Variants in PTPN23 observed in about 807,000 individuals in gnomAD.
PTPN23 encodes the protein protein tyrosine phosphatase non-receptor type 23.
PTPN23 carries 72 observed loss-of-function variants against 156.3 expected under a neutral mutation model. The observed-to-expected ratio is 0.46, with a 90% confidence interval of 0.38 to 0.56. The LOEUF (loss-of-function observed/expected upper bound fraction) is 0.56. Among genes scored for constraint, PTPN23 ranks in the 20% least tolerant of loss-of-function variants. The probability of loss-of-function intolerance (pLI) is 0.00; values close to 1 mark genes in which losing one functional copy is unlikely to be tolerated. For synonymous variants in PTPN23, 957 were observed against 899.6 expected, an observed-to-expected ratio of 1.06 and a Z score of -1.14; for missense variants, 1,974 against 2,171.5, an observed-to-expected ratio of 0.91 and a Z score of 1.81.
Position 47,408,899 on chromosome 3 carries a change from T to A in PTPN23, c.1454T>A (p.Ile485Asn). 6.2e-7 allele frequency: 1 copy of A among 1,614,224 alleles called. No homozygotes were observed. The highest frequency in any genetic ancestry group is 8.5e-7 in the Non-Finnish European group (1 of 1,180,044). The change falls in exon 16 of 25, where the codon ATC becomes AAC. Residue 485 changes from isoleucine (I) to asparagine (N), a missense_variant. Physicochemically the swap from Ile to Asn is moderately radical, Grantham distance 149. Around this residue, in one of 4 missense-constraint regions of PTPN23, gnomAD observed 726 missense variants for 929.5 expected, o/e 0.78. Transcript: ENST00000265562. ...GTGGGCCAGGCAGGGGCCATCTCCA[T>A]CACCTCCAAGGCTGAGCTGGCAGAG... The part of the protein sequence containing the change: ...EAVGQAGAIS[I>N]TSKAELAEVR...
At position 47,409,991 on chromosome 3, in the gene PTPN23, G is replaced by A. The variant is rs753514100; in HGVS notation, c.2193G>A (p.Glu731=). The change falls in exon 20 of 25, where the codon GAG becomes GAA. Residue 731 remains glutamate, a synonymous_variant. Transcript: ENST00000265562. ...TAPKPLLPRR[E]ESEAVEAGDP... The stretch of plus-strand genomic sequence containing the variant: ...CAAAGCCGCTGCTGCCCCGCAGGGA[G>A]GAGAGTGAGGCAGTGGAAGCAGGAG... 1.2e-6 allele frequency: 2 copies of A among 1,600,112 alleles called. No homozygotes were observed. The highest frequency in any genetic ancestry group is 2.2e-5 in the South Asian group (2 of 89,038).
chr3:47,389,840 CAAAA>C (rs34520125), intron 1 of PTPN23, among the ~76,000 whole-genome samples: 5 of 32,346 alleles, frequency 1.5e-4, no homozygotes, highest in Admixed American at 3.6e-4. Context: ...GACTCCGTCT[CAAAA>C]AAAAAAAAAA....
In PTPN23 at chr3:47,405,209, G is replaced by A; in HGVS notation, c.364+128G>A. ...ACTCCAGGATTCCCGCCCCTCCACT[G>A]ACCTCCCCACAGCCCTGCCAGCTCC... On this transcript the variant is annotated intron_variant, in intron 4 of 24. Coordinates refer to ENST00000265562, the MANE Select transcript of PTPN23 (RefSeq NM_015466.4). This position sits in a 1 kb window ranked among gnomAD's most constrained non-coding sequence, Gnocchi z 4.7. The A allele has an allele frequency of 1.2e-6, 1 of 829,570 alleles. No individual in the cohort carries two copies. The highest frequency in any genetic ancestry group is 2.0e-6 in the Non-Finnish European group (1 of 502,392). 51.4% of individuals were successfully genotyped at this position (829,570 alleles called of 1,614,324 possible).
chr3:47,410,796 T>G lies in PTPN23; in HGVS notation c.2998T>G (p.Tyr1000Asp). Residue 1000 changes from tyrosine to aspartate, a missense_variant, in exon 20 of 25, where the codon TAT becomes GAT. Transcript: ENST00000265562. ...CCTACCCCCACAATCCCCCTACCCC[T>G]ATGCCCCTCAGCCTGGGGTCCTGGG... Reference protein sequence around the residue: ...GLLPPQSPYPYAPQPGVLGQP... With the variant: ...GLLPPQSPYPDAPQPGVLGQP... 1 of 913,404 alleles carries G rather than the reference T, an allele frequency of 1.1e-6. No homozygotes were observed. The highest frequency in any genetic ancestry group is 1.4e-6 in the Non-Finnish European group (1 of 712,070). The allele number at this position is 913,404 out of a possible 1,614,324, so 56.6% of individuals were successfully genotyped here. A position where few individuals can be genotyped will look rare whatever the true frequency, so the allele number is the denominator to read the frequency against.
rs767454198 is a variant in PTPN23 at position 47,411,189 on chromosome 3, A to ACTCAGTCTCCTGGGG, written c.3392_3406dup (p.Gly1135_Gly1136insAlaGlnSerProGly). 6.9e-6 allele frequency: 11 copies of ACTCAGTCTCCTGGGG among 1,603,758 alleles called. No individual in the cohort carries two copies. In the South Asian group the frequency reaches 1.2e-4, roughly 18 times the overall value. On this transcript the variant is annotated inframe_insertion, in exon 20 of 25. Coordinates refer to ENST00000265562, the MANE Select transcript of PTPN23 (RefSeq NM_015466.4). This position sits in a 1 kb window ranked among gnomAD's most constrained non-coding sequence, Gnocchi z 6.3. The stretch of plus-strand genomic sequence containing the variant: ...CAGCCCGGAGAGCCAGCATGGCGGC[A>ACTCAGTCTCCTGGGG]CTCAGTCTCCTGGGGGTGGGCAGCC...
Position 47,411,835 on chromosome 3 carries a change from G to C in PTPN23, c.3941G>C (p.Gly1314Ala). 1 of 1,613,080 alleles carries C rather than the reference G, an allele frequency of 6.2e-7. No individual in the cohort carries two copies. The highest frequency in any genetic ancestry group is 8.5e-7 in the Non-Finnish European group (1 of 1,179,924). ...GAGAGGGGCCAGCCCATGGTGCACG[G>C]TGCCCTGAGCCTGGCATTGAGCAGC... The part of the protein sequence containing the change: ...PTERGQPMVH[G>A]ALSLALSSVR... The change falls in exon 21 of 25, where the codon GGT (glycine) becomes GCT (alanine). Residue 1314 changes from glycine to alanine, a missense_variant. Physicochemically the swap from Gly to Ala is moderately conservative, Grantham distance 60 (BLOSUM62 0). Coordinates refer to ENST00000265562, the MANE Select transcript of PTPN23 (RefSeq NM_015466.4). The surrounding 1 kb of genome is among the most constrained non-coding windows in gnomAD (Gnocchi z 6.3).
rs879446639 is a variant in PTPN23, at chr3:47,381,198, C to G, written c.84+18C>G. The G allele has an allele frequency of 6.4e-7, 1 of 1,568,356 alleles. No individual in the cohort carries two copies. The highest frequency in any genetic ancestry group is 8.6e-7 in the Non-Finnish European group (1 of 1,157,068). On this transcript the variant is annotated intron_variant, in intron 1 of 24. Coordinates refer to ENST00000265562, the MANE Select transcript of PTPN23 (RefSeq NM_015466.4). Reference sequence around the variant, plus strand: ...TGAAGAAGGTGAGCTTGCCTTCCATCTTCCCCCCTATCCGCCGCGTATCTC... The same window carrying G: ...TGAAGAAGGTGAGCTTGCCTTCCATGTTCCCCCCTATCCGCCGCGTATCTC...
At chr3:47,383,231 G>T (rs764735864) in intron 1 of PTPN23, among the ~76,000 whole-genome samples, 1 of 152,056 alleles carries the variant, frequency 6.6e-6, no homozygotes, top group Non-Finnish European at 1.5e-5. Context: ...CTTCTGTGCC[G>T]TTGGTCATGG....
rs752087813 is a variant in PTPN23, at chr3:47,407,339, C to T, written c.895C>T (p.Arg299Cys). ...GCCTGACACTGTGCAAGACGCGCTT[C>T]GCTTCACTATGGATGTCATTGGGGG... Reference protein sequence around the residue: ...GQPDTVQDALRFTMDVIGGKY... With the variant: ...GQPDTVQDALCFTMDVIGGKY... Residue 299 changes from arginine (R) to cysteine (C), a missense_variant, in exon 11 of 25, where the codon CGC (arginine) becomes TGC (cysteine). Coordinates refer to ENST00000265562, the MANE Select transcript of PTPN23 (RefSeq NM_015466.4). The surrounding 1 kb of genome is among the most constrained non-coding windows in gnomAD (Gnocchi z 4.0). The T allele has an allele frequency of 2.9e-5, 47 of 1,613,920 alleles. No individual in the cohort carries two copies. The highest frequency in any genetic ancestry group is 9.9e-5 in the South Asian group (9 of 91,084).
chr3:47,404,425 T>TTTA (rs55819817), intron 2 of PTPN23, among the ~76,000 whole-genome samples: 8 of 149,424 alleles, frequency 5.4e-5, no homozygotes, highest in African/African-American at 1.7e-4. Flanking sequence ...TTTTTTTTTT[T>TTTA]AAAAAAGGAA....
rs147698611 is a variant in PTPN23, at chr3:47,396,448, G to T, written c.159+231G>T. On this transcript the variant is annotated intron_variant, in intron 2 of 24. Coordinates refer to ENST00000265562, the MANE Select transcript of PTPN23 (RefSeq NM_015466.4). Reference sequence around the variant, plus strand: ...AAATTAGGCAGGTGTGGTGTCATGTGCCTGTAGTTCCGGCTACTCAGGAGT... The same window carrying T: ...AAATTAGGCAGGTGTGGTGTCATGTTCCTGTAGTTCCGGCTACTCAGGAGT... Among the ~76,000 whole-genome samples, 195 of 152,236 alleles carry T rather than the reference G, an allele frequency of 1.3e-3. 6 individuals are homozygous for T. The East Asian group carries it at 0.031, about 24-fold the overall frequency.
intron 1 of PTPN23, among the ~76,000 whole-genome samples, chr3:47,383,444 C>T (rs1164129200): frequency 2.6e-5 from 4 of 152,188 alleles, no homozygotes; most frequent in Non-Finnish European, 4.4e-5. Context: ...TTCATCCTTT[C>T]CCTGGTGACA....
rs1355676623 is a variant in PTPN23 at position 47,405,001 on chromosome 3, G to A, written c.288-4G>A. On this transcript the variant is annotated splice_polypyrimidine_tract_variant and splice_region_variant and intron_variant, in intron 3 of 24. Transcript: ENST00000265562. This position sits in a 1 kb window ranked among gnomAD's most constrained non-coding sequence, Gnocchi z 4.7. The stretch of plus-strand genomic sequence containing the variant: ...TCGAGATAACTGGGGTGCCATGTCT[G>A]CAGGACAGAGATCTTCTCAGGCAAG... 1 of 1,614,172 alleles carries A rather than the reference G, an allele frequency of 6.2e-7. No individual in the cohort carries two copies.
intron 2 of PTPN23, among the ~76,000 whole-genome samples, chr3:47,400,365 G>A (rs536642132): frequency 6.6e-6 from 1 of 152,332 alleles, no homozygotes; most frequent in Admixed American, 6.5e-5. Context: ...GGGATGCTAT[G>A]GGGGCATCAC....
rs777686795 is a variant in PTPN23, at chr3:47,411,482, C to G, written c.3684C>G (p.Pro1228=). Residue 1228 remains proline (P), a synonymous_variant, in exon 20 of 25, where the codon CCC becomes CCG. Transcript: ENST00000265562. This position sits in a 1 kb window ranked among gnomAD's most constrained non-coding sequence, Gnocchi z 6.3. ...AGAACCGGCACCAGGATGTCATGCC[C>G]TATGACAGTAACCGTGTGGTGCTGC... ...SLKNRHQDVM[P]YDSNRVVLRS... The G allele has an allele frequency of 6.2e-7, 1 of 1,613,200 alleles. No homozygotes were observed. Among genetic ancestry groups the G allele is most frequent in the Non-Finnish European group, 8.5e-7 (1 of 1,180,024 alleles).
Position 47,413,176 on chromosome 3 carries a change from C to G in PTPN23, c.4902C>G (p.Asn1634Lys). ...TTCTGGATCCACTCTGGACACTCAA[C>G]AAGACCTGAACAGGTTTTGCCTACC... is the stretch of plus-strand genomic sequence containing the variant. Reference protein sequence around the residue: ...LSLLDPLWTLNKT With the variant: ...LSLLDPLWTLKKT Residue 1634 changes from asparagine to lysine, a missense_variant, in exon 25 of 25, where the codon AAC (asparagine) becomes AAG (lysine). Coordinates refer to ENST00000265562, the MANE Select transcript of PTPN23 (RefSeq NM_015466.4). The G allele has an allele frequency of 6.2e-7, 1 of 1,610,574 alleles. No homozygotes were observed.
chr3:47,413,111 G>C lies in PTPN23; in HGVS notation c.4837G>C (p.Gly1613Arg), dbSNP rs1371303914. 3.1e-6 allele frequency: 5 copies of C among 1,612,788 alleles called. No individual in the cohort carries two copies. Among genetic ancestry groups the C allele is most frequent in the Non-Finnish European group, 3.4e-6 (4 of 1,180,040 alleles). Residue 1613 changes from glycine (G) to arginine (R), a missense_variant, in exon 25 of 25, where the codon GGG becomes CGG. Around this residue, in one of 4 missense-constraint regions of PTPN23, gnomAD observed 484 missense variants for 516.0 expected, o/e 0.94. Coordinates refer to ENST00000265562, the MANE Select transcript of PTPN23 (RefSeq NM_015466.4). ...CTTTCTGCAGGCCCATAACGGGCAA[G>C]GGCTGCGGGCCACCCGGCCCTCTGA... Reference protein sequence around the residue: ...HNFLQAHNGQGLRATRPSDDP... With the variant: ...HNFLQAHNGQRLRATRPSDDP...
intron 1 of PTPN23, among the ~76,000 whole-genome samples, chr3:47,386,365 C>T (rs1228110669): frequency 1.3e-5 from 2 of 152,040 alleles, no homozygotes; most frequent in African/African-American, 2.4e-5. Context: ...GGGGTTTCGC[C>T]GTGTTGGCTA....
chr3:47,404,594 C>T (rs1348633498), intron 2 of PTPN23, 58 bp from the exon 3 acceptor site: 1 of 1,595,842 alleles, frequency 6.3e-7, no homozygotes, highest in Middle Eastern at 1.7e-4. Flanking sequence ...AGTTAGCTGG[C>T]CTGCGTGTCC....
Sources: allele counts gnomAD v4.1 joint callset (sites outside exome capture counted in the v4.1 genomes callset), GRCh38; gene constraint gnomAD v4.1.1; regional missense constraint gnomAD v4.1.1; non-coding constraint Gnocchi (gnomAD v3.1); transcripts MANE v1.5; gene names NCBI Gene and HGNC (gene_info 2026-07-23, HGNC 2026-07-21).